TTC7A: variants seen among roughly 807,000 people sequenced by gnomAD.
TTC7A encodes the protein tetratricopeptide repeat protein 7A.
Under a neutral mutation model 103.7 loss-of-function variants are expected in TTC7A, and 110 were observed. The observed-to-expected ratio is 1.06, with a 90% CI of 0.91 to 1.24. The LOEUF is 1.24. TTC7A is among the 50% of genes most tolerant of loss of function. The pLI is 0.00. For missense variants in TTC7A, 1,340 were observed against 1,116.3 expected, an observed-to-expected ratio of 1.20 and a Z score of -2.86; for synonymous variants, 521 against 467.9, an observed-to-expected ratio of 1.11 and a Z score of -1.47.
chr2:46,994,400 G>C lies in TTC7A; in HGVS notation c.887G>C (p.Ser296Thr), dbSNP rs771659534. Residue 296 changes from serine (S) to threonine (T), a missense_variant, in exon 7 of 20, where the codon AGT becomes ACT. Coordinates refer to ENST00000319190, the MANE Select transcript of TTC7A (RefSeq NM_020458.4). ...HLAGVLLHSL[S>T]EECYWSPLSH... ...GCGGGGGTCCTGCTGCACTCCCTGA[G>C]TGAGGAGTGCTACTGGAGCCCCCTG... is the stretch of plus-strand genomic sequence containing the variant. The C allele has an allele frequency of 7.4e-6, 12 of 1,614,026 alleles. No homozygotes were observed. The South Asian group carries it at 1.3e-4, about 18-fold the overall frequency.
At chr2:46,923,805 T>C (rs1669237434) in intron 2 of TTC7A, among the ~76,000 whole-genome samples, 1 of 151,810 alleles carries the variant, frequency 6.6e-6, no homozygotes, top group Non-Finnish European at 1.5e-5. Flanking sequence ...CCATCTCAGC[T>C]CACTGCAACC....
rs138596207 is a variant in TTC7A, at chr2:46,952,696, G to T, written c.348+2170G>T. ...GAGCCTAGGAGGTTGGGGCTGCAGT[G>T]AGTTGTGTTCATGCCACTGCACTCC... is the stretch of plus-strand genomic sequence containing the variant. On this transcript the variant is annotated intron_variant, in intron 2 of 19. Coordinates refer to ENST00000319190, the MANE Select transcript of TTC7A (RefSeq NM_020458.4). Among the ~76,000 whole-genome samples, 4 of 152,256 alleles carry T rather than the reference G, an allele frequency of 2.6e-5. No homozygotes were observed. The East Asian group carries it at 7.7e-4, about 29-fold the overall frequency.
At chr2:46,988,839 T>G (rs1289187011) in intron 5 of TTC7A, among the ~76,000 whole-genome samples, 1 of 152,228 alleles carries the variant, frequency 6.6e-6, no homozygotes, top group Non-Finnish European at 1.5e-5. Flanking sequence ...TGAACCCTTT[T>G]GTGCTTGCCG....
intron 3 of TTC7A, among the ~76,000 whole-genome samples, chr2:46,967,954 TC>T (rs1673001519): frequency 3.3e-5 from 5 of 152,052 alleles, no homozygotes; most frequent in Admixed American, 3.3e-4. Context: ...GGATTCATCT[TC>T]CGTGGGTGCT....
chr2:47,008,380 G>C (rs1677651184), intron 10 of TTC7A, among the ~76,000 whole-genome samples: 1 of 152,222 alleles, frequency 6.6e-6, no homozygotes, highest in Non-Finnish European at 1.5e-5. Flanking sequence ...AAGGTGTCGT[G>C]ATAGCCTGGG....
rs138009172 is a variant in TTC7A, at chr2:46,996,850, G to T, written c.1065+1651G>T. Among the ~76,000 whole-genome samples the T allele has an allele frequency of 5.0e-3, 768 of 152,264 alleles. 9 individuals carry two copies. The highest frequency in any genetic ancestry group is 0.017 in the African/African-American group (717 of 41,542). On this transcript the variant is annotated intron_variant, in intron 8 of 19. Coordinates refer to ENST00000319190, the MANE Select transcript of TTC7A (RefSeq NM_020458.4). ...GACTGAATCCTAGTTTTGAAATATG[G>T]AACCCCAGATGCAGACCAGTATTCC... is the stretch of plus-strand genomic sequence containing the variant.
intron 19 of TTC7A, among the ~76,000 whole-genome samples, chr2:47,061,268 C>T (rs1257396282): frequency 2.6e-5 from 4 of 152,152 alleles, no homozygotes; most frequent in African/African-American, 9.7e-5. Flanking sequence ...TAGGGTTCCG[C>T]AAAGGGATCT....
At chr2:46,922,166 T>C (rs1023800218) in intron 2 of TTC7A, among the ~76,000 whole-genome samples, 1 of 152,106 alleles carries the variant, frequency 6.6e-6, no homozygotes, top group South Asian at 2.1e-4. Context: ...TAGTTACTTA[T>C]AGATTCTGAT....
intron 5 of TTC7A, among the ~76,000 whole-genome samples, chr2:46,980,565 T>C (rs1238707882): frequency 1.3e-5 from 2 of 152,208 alleles, no homozygotes; most frequent in African/African-American, 2.4e-5. Context: ...TGTGGGGTTT[T>C]TTCCGCGACT....
intron 11 of TTC7A, among the ~76,000 whole-genome samples, chr2:47,016,864 A>G (rs542969432): frequency 6.6e-6 from 1 of 152,264 alleles, no homozygotes; most frequent in South Asian, 2.1e-4. Context: ...TCCAGATCGC[A>G]GGTGGGGCCC....
At chr2:46,918,181 A>G (rs1195724418) in intron 2 of TTC7A, among the ~76,000 whole-genome samples, 1 of 152,016 alleles carries the variant, frequency 6.6e-6, no homozygotes, top group Non-Finnish European at 1.5e-5. Flanking sequence ...TTCACCCCCA[A>G]ACCTGCACCT....
At chr2:47,051,725 T>G (rs370710633) in intron 17 of TTC7A, 21 bp from the exon 18 acceptor site, 80 of 1,603,432 alleles carry the variant, frequency 5.0e-5, no homozygotes, top group Non-Finnish European at 4.9e-5. Flanking sequence ...ACTGCTCGGC[T>G]CGTGCCCTCT....
At chr2:47,026,425 C>G (rs1026835503) in intron 14 of TTC7A, among the ~76,000 whole-genome samples, 16 of 152,222 alleles carry the variant, frequency 1.1e-4, no homozygotes, top group Non-Finnish European at 2.9e-5. Context: ...GGGCCTGGCA[C>G]TGGTGCCCAC....
At chr2:46,963,695 AGTT>A (rs1430660921) in intron 3 of TTC7A, among the ~76,000 whole-genome samples, 1 of 152,198 alleles carries the variant, frequency 6.6e-6, no homozygotes, top group East Asian at 1.9e-4. Context: ...TGTACTAGAA[AGTT>A]GTTGGAGCAG....
chr2:46,994,093 G>A (rs1484103170), intron 6 of TTC7A: 10 of 460,258 alleles, frequency 2.2e-5, no homozygotes, highest in Non-Finnish European at 3.5e-5. Context: ...AGGAGAGGGA[G>A]GAAATGCTCC....
chr2:47,002,693 T>A (rs899138524), intron 8 of TTC7A, among the ~76,000 whole-genome samples: 3 of 152,140 alleles, frequency 2.0e-5, no homozygotes, highest in African/African-American at 7.2e-5. Context: ...AATTCTGTTC[T>A]GCTGTGGCTT....
chr2:47,053,354 G>T (rs1233923626), intron 18 of TTC7A, among the ~76,000 whole-genome samples: 1 of 146,606 alleles, frequency 6.8e-6, no homozygotes, highest in African/African-American at 2.5e-5. Flanking sequence ...CCAAGGGGCC[G>T]CATGGAGCCC....
chr2:46,961,900 C>T (rs1672415041), intron 3 of TTC7A, among the ~76,000 whole-genome samples: 3 of 152,150 alleles, frequency 2.0e-5, no homozygotes, highest in Non-Finnish European at 4.4e-5. Flanking sequence ...CAGAACAAGA[C>T]TCCGTCTCAG....
chr2:46,986,008 G>A (rs948606431), intron 5 of TTC7A, among the ~76,000 whole-genome samples: 7 of 152,146 alleles, frequency 4.6e-5, no homozygotes, highest in Admixed American at 6.5e-5. Flanking sequence ...CCCCCCACTC[G>A]CCCTGGCCAA....
Sources: gnomAD v4.1 joint callset for allele counts (sites outside exome capture counted in the v4.1 genomes callset) on GRCh38, gnomAD v4.1.1 for gene constraint, MANE v1.5 for transcripts, NCBI Gene and HGNC (gene_info 2026-07-23, HGNC 2026-07-21) for gene names.